CFAP65: variants seen among roughly 807,000 people sequenced by gnomAD.
The protein encoded by CFAP65 is cilia and flagella associated protein 65, also known as cilia- and flagella-associated protein 65.
In CFAP65, 155 loss-of-function variants were observed where a neutral mutation model predicts 208.0. The ratio of observed to expected loss-of-function variants is 0.75; its 90% CI spans 0.65 to 0.85. The LOEUF is 0.85. Ranked by LOEUF, CFAP65 falls within the 40% of genes least tolerant of loss-of-function variation. CFAP65 has a pLI of 0.00. For synonymous variants in CFAP65, 970 were observed against 986.3 expected (o/e 0.98, Z 0.31); for missense variants, 2,294 against 2,451.3 (o/e 0.94, Z 1.36).
At chr2:219,007,160 TTTTG>T (rs774275976) in intron 29 of CFAP65, among the ~76,000 whole-genome samples, 39 of 142,806 alleles carry the variant, frequency 2.7e-4, no homozygotes, top group Admixed American at 1.2e-3. Context: ...TTGTTGTTGT[TTTTG>T]TTTGTTTTTT....
At chr2:219,035,281 C>A in intron 5 of CFAP65, 199 bp downstream of exon 5, 4 of 1,473,714 alleles carry the variant, frequency 2.7e-6, no homozygotes, top group Non-Finnish European at 3.6e-6. Context: ...GGTACAGGCA[C>A]ACATTGGGAC....
At chr2:219,011,070 C>T in intron 24 of CFAP65, 74 bp from the exon 25 acceptor site, 1 of 1,419,098 alleles carries the variant, frequency 7.0e-7, no homozygotes, top group Non-Finnish European at 9.6e-7. Flanking sequence ...GATGCTGTGC[C>T]CACTGTGGGA....
At chr2:219,035,302 A>G in intron 5 of CFAP65, 178 bp downstream of exon 5, 1 of 1,523,640 alleles carries the variant, frequency 6.6e-7, no homozygotes, top group African/African-American at 1.4e-5. Flanking sequence ...ACTATACCAC[A>G]ATGAAAAATA....
chr2:219,013,514 C>A lies in CFAP65; in HGVS notation c.3846+5G>T. The A allele has an allele frequency of 6.3e-7, 1 of 1,595,668 alleles. No individual in the cohort carries two copies. The highest frequency in any genetic ancestry group is 8.5e-7 in the Non-Finnish European group (1 of 1,172,604). ...TAGGGCAGGGCCAGTGTGCTGGGGC[C>A]TCACCAGGATCTCCCGGCCATGGGA... On this transcript the variant is annotated splice_donor_5th_base_variant and intron_variant, in intron 23 of 34. Coordinates refer to ENST00000341552, the MANE Select transcript of CFAP65 (RefSeq NM_194302.4).
chr2:219,033,985 C>A lies in CFAP65; in HGVS notation c.543-1413G>T, dbSNP rs368710866. 1.2e-4 allele frequency: 18 copies of A among 151,906 alleles called. 1 individual carries two copies. The highest frequency in any genetic ancestry group is 4.6e-4 in the Admixed American group (7 of 15,270). 9.4% of individuals were successfully genotyped at this position (151,906 alleles called of 1,614,324 possible). A position where few individuals can be genotyped will look rare whatever the true frequency, so the allele number is the denominator to read the frequency against. On this transcript the variant is annotated intron_variant, in intron 5 of 34. Coordinates refer to ENST00000341552, the MANE Select transcript of CFAP65 (RefSeq NM_194302.4). ...AAACTAGCAACAAACAGAAATAAAACAACTAAAAAATATGTCATATATAAC... is the reference window on the plus strand; with the variant it reads ...AAACTAGCAACAAACAGAAATAAAAAAACTAAAAAATATGTCATATATAAC...
intron 30 of CFAP65, 104 bp downstream of exon 30, chr2:219,006,361 C>T: frequency 1.3e-6 from 2 of 1,522,016 alleles, no homozygotes; most frequent in Non-Finnish European, 1.8e-6. Context: ...ACTTTCATCC[C>T]TCCTTTCTGG....
At chr2:219,019,211 G>A in intron 20 of CFAP65, 32 bp from the exon 21 acceptor site, 2 of 1,591,896 alleles carry the variant, frequency 1.3e-6, no homozygotes, top group Non-Finnish European at 1.7e-6. Flanking sequence ...GTTCAGAGAT[G>A]GGGATGGGGC....
chr2:219,011,270 CTTTT>C (rs528817484), intron 24 of CFAP65, among the ~76,000 whole-genome samples: 5 of 107,096 alleles, frequency 4.7e-5, no homozygotes, highest in East Asian at 5.4e-4. Context: ...CTTTTTCTTT[CTTTT>C]TTTTTTTTTT....
rs182923202 is a variant in CFAP65, at chr2:219,010,167, G to C, written c.4309-82C>G. The stretch of plus-strand genomic sequence containing the variant: ...GCCTGTAATCCCAGCACTTTGGGAG[G>C]CCAAGGTGGGAGGATCACGAGGTCA... On this transcript the variant is annotated intron_variant, in intron 26 of 34. Coordinates refer to ENST00000341552, the MANE Select transcript of CFAP65 (RefSeq NM_194302.4). 7.5e-4 allele frequency: 1,033 copies of C among 1,382,404 alleles called. 6 individuals carry two copies. In the African/African-American group the frequency reaches 0.014, roughly 18 times the overall value. 85.6% of individuals were successfully genotyped at this position (1,382,404 alleles called of 1,614,324 possible).
chr2:219,030,165 G>T lies in CFAP65; in HGVS notation c.1205C>A (p.Ala402Asp). 1 of 1,614,144 alleles carries T rather than the reference G, an allele frequency of 6.2e-7. No homozygotes were observed. Among genetic ancestry groups the T allele is most frequent in the Non-Finnish European group, 8.5e-7 (1 of 1,180,018 alleles). ...GGGGCATGAGAAGGCCTGGTCTTCGGCCAGTTCATCCGGGGAAATTTCAAT... is the reference window on the plus strand; with the variant it reads ...GGGGCATGAGAAGGCCTGGTCTTCGTCCAGTTCATCCGGGGAAATTTCAAT... ...FRIEISPDEL[A>D]EDQAFSCPTA... The change falls in exon 10 of 35, where the codon GCC becomes GAC. Residue 402 changes from alanine to aspartate, a missense_variant. Ala to Asp is a moderately radical substitution (Grantham distance 126). Around this residue, in one of 2 missense-constraint regions of CFAP65, gnomAD observed 867 missense variants for 1,012.6 expected, o/e 0.86. Transcript: ENST00000341552.
At chr2:219,022,005 C>T in intron 17 of CFAP65, 75 bp from the exon 18 acceptor site, 3 of 1,585,208 alleles carry the variant, frequency 1.9e-6, no homozygotes, top group Non-Finnish European at 2.6e-6. Context: ...GCCCCATTTT[C>T]AGAGCATCCC....
chr2:219,032,395 C>T lies in CFAP65; in HGVS notation c.645+75G>A. On this transcript the variant is annotated intron_variant, in intron 6 of 34. Coordinates refer to ENST00000341552, the MANE Select transcript of CFAP65 (RefSeq NM_194302.4). The surrounding 1 kb of genome is among the most constrained non-coding windows in gnomAD (Gnocchi z 5.5). ...GTGTGTGCCGGGGCGCTCCTGGTTG[C>T]TCTGTCCTGTTTTCTGTTCTGAGGT... 1.5e-6 allele frequency: 2 copies of T among 1,359,330 alleles called. No homozygotes were observed. Among genetic ancestry groups the T allele is most frequent in the East Asian group, 2.5e-5 (1 of 39,558 alleles). 84.2% of individuals were successfully genotyped at this position (1,359,330 alleles called of 1,614,324 possible). A position where few individuals can be genotyped will look rare whatever the true frequency, so the allele number is the denominator to read the frequency against.
At chr2:219,005,611 G>T in intron 31 of CFAP65, 49 bp from the exon 32 acceptor site, 1 of 1,604,384 alleles carries the variant, frequency 6.2e-7, no homozygotes, top group South Asian at 1.1e-5. Context: ...CACCATGCTG[G>T]GGTTGGGGGC....
In CFAP65 at chr2:219,004,398, C is replaced by A; in HGVS notation, c.5109G>T (p.Gln1703His). 6.2e-6 allele frequency: 10 copies of A among 1,613,976 alleles called. No homozygotes were observed. Among genetic ancestry groups the A allele is most frequent in the Non-Finnish European group, 8.5e-6 (10 of 1,179,972 alleles). Reference protein sequence around the residue: ...HEAVDQSLVEQVPYFRQFWNE... With the variant: ...HEAVDQSLVEHVPYFRQFWNE... ...TCCAGAATTGGCGGAAGTACGGCAC[C>A]TGCTCCACCAGGCTTTGGTCCACAG... is the stretch of plus-strand genomic sequence containing the variant. Residue 1703 changes from glutamine to histidine, a missense_variant, in exon 33 of 35, where the codon CAG becomes CAT. By Grantham distance (24) the Gln-to-His change is conservative. Around this residue, in one of 2 missense-constraint regions of CFAP65, gnomAD observed 1,427 missense variants for 1,438.7 expected, o/e 0.99. Transcript: ENST00000341552. The surrounding 1 kb of genome is among the most constrained non-coding windows in gnomAD (Gnocchi z 4.7).
At position 219,004,424 on chromosome 2, in the gene CFAP65, C is replaced by A; in HGVS notation, c.5083G>T (p.Ala1695Ser). 2 of 1,612,408 alleles carry A rather than the reference C, an allele frequency of 1.2e-6. No individual in the cohort carries two copies. The highest frequency in any genetic ancestry group is 1.7e-6 in the Non-Finnish European group (2 of 1,179,146). The change falls in exon 33 of 35, where the codon GCT (alanine) becomes TCT (serine). Residue 1695 changes from alanine to serine, a missense_variant. Physicochemically the swap from Ala to Ser is moderately conservative, Grantham distance 99. Coordinates refer to ENST00000341552, the MANE Select transcript of CFAP65 (RefSeq NM_194302.4). The surrounding 1 kb of genome is among the most constrained non-coding windows in gnomAD (Gnocchi z 4.7). ...GLLEDKNFHE[A>S]VDQSLVEQVP... is the part of the protein sequence containing the mutation. The stretch of plus-strand genomic sequence containing the variant: ...TGCTCCACCAGGCTTTGGTCCACAG[C>A]CTCATGGAAGTTCTTGTCTTCCAGC...
At chr2:219,022,371 C>G (rs1160731599) in intron 16 of CFAP65, 42 bp from the exon 17 acceptor site, 1 of 1,564,240 alleles carries the variant, frequency 6.4e-7, no homozygotes, top group East Asian at 2.4e-5. Flanking sequence ...CTTCGGAAGC[C>G]CCTCCACAGG....
Position 219,005,501 on chromosome 2 carries a change from T to G in CFAP65, c.4984A>C (p.Asn1662His). The G allele has an allele frequency of 6.2e-7, 1 of 1,613,394 alleles. No individual in the cohort carries two copies. Among genetic ancestry groups the G allele is most frequent in the South Asian group, 1.1e-5 (1 of 91,052 alleles). Reference protein sequence around the residue: ...ESETSEEKSPNKWGPVSKQKK... With the variant: ...ESETSEEKSPHKWGPVSKQKK... Reference sequence around the variant, plus strand: ...TGCTTGGAAACAGGGCCCCACTTGTTAGGGGATTTTTCCTCAGAAGTCTCT... The same window carrying G: ...TGCTTGGAAACAGGGCCCCACTTGTGAGGGGATTTTTCCTCAGAAGTCTCT... The change falls in exon 32 of 35, where the codon AAC becomes CAC. Residue 1662 changes from asparagine to histidine, a missense_variant. Asn to His is a moderately conservative substitution (Grantham distance 68). Coordinates refer to ENST00000341552, the MANE Select transcript of CFAP65 (RefSeq NM_194302.4).
chr2:219,006,610 G>C, intron 29 of CFAP65, 101 bp from the exon 30 acceptor site: 1 of 1,073,106 alleles, frequency 9.3e-7, no homozygotes, highest in Admixed American at 1.8e-5. Flanking sequence ...AAGGCGGGCG[G>C]ATCACCTGAG....
rs753901620 is a variant in CFAP65 at position 219,022,260 on chromosome 2, C to A, written c.2890G>T (p.Glu964Ter). Reference sequence around the variant, plus strand: ...TTGGCATTTGGGGACAGGCCGGCTTCCCAGACCCACATCCCCACTTGGAAC... The same window carrying A: ...TTGGCATTTGGGGACAGGCCGGCTTACCAGACCCACATCCCCACTTGGAAC... Reference protein sequence around the residue: ...YLFQVGMWVWEAGLSPNANPA... With the variant: ...YLFQVGMWVW Residue 964 changes from glutamate to a stop codon, truncating the protein, a stop_gained, in exon 17 of 35, where the codon GAA (glutamate) becomes TAA (stop). Coordinates refer to ENST00000341552, the MANE Select transcript of CFAP65 (RefSeq NM_194302.4). LOFTEE classifies it high-confidence loss of function. 6.2e-7 allele frequency: 1 copy of A among 1,607,766 alleles called. No homozygotes were observed. Among genetic ancestry groups the A allele is most frequent in the Admixed American group, 1.7e-5 (1 of 59,208 alleles).
Sources: allele counts gnomAD v4.1 joint callset (sites outside exome capture counted in the v4.1 genomes callset), GRCh38; gene constraint gnomAD v4.1.1; regional missense constraint gnomAD v4.1.1; non-coding constraint Gnocchi (gnomAD v3.1); transcripts MANE v1.5; gene names NCBI Gene and HGNC (gene_info 2026-07-23, HGNC 2026-07-21).